WNK1: variants seen among roughly 807,000 people sequenced by gnomAD.
WNK1 encodes WNK lysine deficient protein kinase 1.
A neutral mutation model predicts 222.8 loss-of-function variants in WNK1; 38 were observed. The ratio of observed to expected loss-of-function variants is 0.17; its 90% CI spans 0.13 to 0.22. The LOEUF is 0.22. Ranked by LOEUF, WNK1 falls within the 10% of genes least tolerant of loss-of-function variation. The probability of loss-of-function intolerance (pLI) is 1.00; values close to 1 mark genes in which losing one functional copy is unlikely to be tolerated. For synonymous variants in WNK1, 1,090 were observed against 1,092.9 expected (o/e 1.00, Z 0.05); for missense variants, 2,348 against 2,918.4 (o/e 0.80, Z 4.50).
intron 1 of WNK1, among the ~76,000 whole-genome samples, chr12:800,617 G>A (rs1945777568): frequency 6.6e-6 from 1 of 152,080 alleles, no homozygotes; most frequent in African/African-American, 2.4e-5. Flanking sequence ...TGGGCCTGCT[G>A]ATATTTAAGA....
intron 8 of WNK1, chr12:867,827 T>C: frequency 6.2e-7 from 1 of 1,610,714 alleles, no homozygotes; most frequent in Non-Finnish European, 8.5e-7. Flanking sequence ...ATTTCACATA[T>C]GAATGTATGA....
rs540554228 is a variant in WNK1, at chr12:800,210, A to C, written c.760-13432A>C. Among the ~76,000 whole-genome samples the C allele has an allele frequency of 3.0e-4, 45 of 152,274 alleles. 1 individual carries two copies. The highest frequency in any genetic ancestry group is 1.0e-3 in the African/African-American group (42 of 41,566). On this transcript the variant is annotated intron_variant, in intron 1 of 27. Transcript: ENST00000315939. ...AAGAAGAAATGACAACAAATTATAA[A>C]GTTAAAAGAAGTCATATCAAAAAAT...
intron 25 of WNK1, among the ~76,000 whole-genome samples, chr12:898,664 C>A (rs186148707): frequency 7.2e-5 from 11 of 152,104 alleles, no homozygotes; most frequent in African/African-American, 2.4e-4. Flanking sequence ...GCCTCAAACT[C>A]CTAGGCTCAG....
chr12:767,321 T>TG (rs1264960879), intron 1 of WNK1, among the ~76,000 whole-genome samples: 1 of 134,350 alleles, frequency 7.4e-6, no homozygotes, highest in Non-Finnish European at 1.5e-5. Context: ...GGTGCAGTCT[T>TG]GGCTCACTGC....
At chr12:883,330 T>C (rs1953348657) in intron 15 of WNK1, 65 bp from the exon 16 acceptor site, 2 of 1,568,834 alleles carry the variant, frequency 1.3e-6, no homozygotes, top group African/African-American at 2.7e-5. Flanking sequence ...AGGACAGAAG[T>C]CATAAAAGTG....
Position 879,782 on chromosome 12 carries a change from TC to T in WNK1, c.2586del (p.Ile863SerfsTer41). 4 of 1,614,062 alleles carry T rather than the reference TC, an allele frequency of 2.5e-6. No individual in the cohort carries two copies. The highest frequency in any genetic ancestry group is 3.4e-6 in the Non-Finnish European group (4 of 1,180,010). ...CGGCTCAGACAGGTTTCTCATCCCT[TC>T]CCATCACAATGGCAGCTGGCATTAC... ...STAQTGFSSL[P>X]ITMAAGITQP... On this transcript the variant is annotated frameshift_variant, in exon 11 of 28. Transcript: ENST00000315939. LOFTEE classifies it high-confidence loss of function.
intron 4 of WNK1, among the ~76,000 whole-genome samples, chr12:841,612 T>C (rs1949631796): frequency 6.6e-6 from 1 of 152,190 alleles, no homozygotes; most frequent in African/African-American, 2.4e-5. Context: ...AATGTTTTAG[T>C]CCATTTGGGC....
At chr12:866,866 G>A (rs1951713632) in intron 8 of WNK1, among the ~76,000 whole-genome samples, 1 of 152,150 alleles carries the variant, frequency 6.6e-6, no homozygotes, top group South Asian at 2.1e-4. Flanking sequence ...GCTCACGCCT[G>A]TAATCCTAGC....
intron 5 of WNK1, among the ~76,000 whole-genome samples, 196 bp downstream of exon 5, chr12:857,445 G>C (rs75935370): frequency 6.6e-6 from 1 of 152,110 alleles, no homozygotes; most frequent in East Asian, 1.9e-4. Context: ...GTAAAAATAT[G>C]GTTTGGTAGA....
At chr12:763,568 G>A (rs552563996) in intron 1 of WNK1, among the ~76,000 whole-genome samples, 11 of 139,580 alleles carry the variant, frequency 7.9e-5, no homozygotes, top group East Asian at 4.2e-4. Flanking sequence ...CAGCCTGGGC[G>A]ACAAGAGGGA....
chr12:845,273 G>A (rs531754980), intron 4 of WNK1, among the ~76,000 whole-genome samples: 2 of 152,122 alleles, frequency 1.3e-5, no homozygotes, highest in Non-Finnish European at 2.9e-5. Context: ...GTTAGTGTCT[G>A]TCTGCTTAAC....
chr12:864,019 G>C (rs1336411748), intron 8 of WNK1, among the ~76,000 whole-genome samples: 1 of 151,592 alleles, frequency 6.6e-6, no homozygotes, highest in East Asian at 1.9e-4. Flanking sequence ...CATCTAAAAG[G>C]AAAATAACAG....
intron 1 of WNK1, among the ~76,000 whole-genome samples, chr12:784,367 G>T (rs1012040627): frequency 3.9e-5 from 6 of 151,986 alleles, no homozygotes; most frequent in African/African-American, 1.5e-4. Flanking sequence ...CTGTTCAACA[G>T]CCTTTCCCTA....
In WNK1 at chr12:903,905, G is replaced by A. The variant is rs145525680; in HGVS notation, c.6643+3235G>A. ...TGTTCAGAGGTTGCTTGTTTTCCAC[G>A]TACTTTTAAAAACTATTCTGGAAGG... On this transcript the variant is annotated intron_variant, in intron 26 of 27. Coordinates refer to ENST00000315939, the MANE Select transcript of WNK1 (RefSeq NM_018979.4). Among the ~76,000 whole-genome samples the A allele has an allele frequency of 2.0e-4, 30 of 152,278 alleles. No homozygotes were observed. The East Asian group carries it at 5.2e-3, about 26-fold the overall frequency.
At chr12:880,084 C>A (rs1170559851) in intron 11 of WNK1, 53 bp downstream of exon 11, 10 of 1,529,506 alleles carry the variant, frequency 6.5e-6, no homozygotes, top group African/African-American at 4.1e-5. Flanking sequence ...CCTAGTAGAT[C>A]ATCAGGAACA....
rs1002813368 is a variant in WNK1 at position 758,353 on chromosome 12, T to G, written c.759+4029T>G. 4.9e-5 allele frequency among the ~76,000 whole-genome samples: 7 copies of G among 143,826 alleles called. 1 individual carries two copies. Among genetic ancestry groups the G allele is most frequent in the Non-Finnish European group, 1.1e-4 (7 of 64,850 alleles). 94.4% of individuals were successfully genotyped at this position (143,826 alleles called of 152,430 possible). On this transcript the variant is annotated intron_variant, in intron 1 of 27. Transcript: ENST00000315939. ...TGGTTCTGTGATTAAGAAACCATCA[T>G]TTATTTCTTTGCTATAGTTCTTTTT...
chr12:908,659 G>T lies in WNK1; in HGVS notation c.7016G>T (p.Gly2339Val). 1 of 1,614,190 alleles carries T rather than the reference G, an allele frequency of 6.2e-7. No individual in the cohort carries two copies. Among genetic ancestry groups the T allele is most frequent in the African/African-American group, 1.3e-5 (1 of 75,044 alleles). ...ACCCCATTTGGCGCTCAATGGAGTG[G>T]GACGGGTGGCCCAGCACCACAGCCA... is the stretch of plus-strand genomic sequence containing the variant. ...PATPFGAQWS[G>V]TGGPAPQPLG... Residue 2339 changes from glycine (G) to valine (V), a missense_variant, in exon 28 of 28, where the codon GGG becomes GTG. Coordinates refer to ENST00000315939, the MANE Select transcript of WNK1 (RefSeq NM_018979.4).
intron 22 of WNK1, among the ~76,000 whole-genome samples, chr12:892,182 C>T (rs576686216): frequency 2.2e-4 from 34 of 151,712 alleles, no homozygotes; most frequent in African/African-American, 7.0e-4. Context: ...CCCATTAACT[C>T]GTCATTTAGC....
intron 4 of WNK1, among the ~76,000 whole-genome samples, chr12:837,572 TAAA>T (rs530005542): frequency 2.7e-4 from 34 of 123,656 alleles, no homozygotes; most frequent in Non-Finnish European, 3.3e-4. Flanking sequence ...AGACCCTGTC[TAAA>T]AAAAAAAAAA....
Sources: gnomAD v4.1 joint callset for allele counts (sites outside exome capture counted in the v4.1 genomes callset) on GRCh38, gnomAD v4.1.1 for gene constraint, MANE v1.5 for transcripts, NCBI Gene and HGNC (gene_info 2026-07-23, HGNC 2026-07-21) for gene names.